Variants in TTLL6 observed in about 807,000 individuals in gnomAD.
The protein encoded by TTLL6 is tubulin tyrosine ligase like 6, also known as tubulin polyglutamylase TTLL6.
Under a neutral mutation model 96.4 loss-of-function variants are expected in TTLL6, and 75 were observed. That is an observed-to-expected ratio of 0.78 (90% CI 0.65 to 0.94). The LOEUF is 0.94. Among genes scored for constraint, TTLL6 ranks in the 40% least tolerant of loss-of-function variants. TTLL6 has a pLI of 0.00. For missense variants in TTLL6, 1,030 were observed against 1,093.0 expected (o/e 0.94, Z 0.81); for synonymous variants, 411 against 419.4 (o/e 0.98, Z 0.24).
At position 48,769,094 on chromosome 17, in the gene TTLL6, C is replaced by A. The variant is rs947336595; in HGVS notation, c.2571G>T (p.Arg857Ser). The change falls in exon 15 of 16, where the codon AGG becomes AGT. Residue 857 changes from arginine (R) to serine (S), a missense_variant. Arg to Ser is a moderately radical substitution (Grantham distance 110, BLOSUM62 -1). Coordinates refer to ENST00000393382, the MANE Select transcript of TTLL6 (RefSeq NM_001130918.3). ...VIATPAQLDPRPCRSHASAMR... is the reference protein window; with the variant it reads ...VIATPAQLDPSPCRSHASAMR... Reference sequence around the variant, plus strand: ...TAGCACTTGCGTGGCTTCTACAAGGCCTTGGATCCAGTTGGGCTGGAGTGG... The same window carrying A: ...TAGCACTTGCGTGGCTTCTACAAGGACTTGGATCCAGTTGGGCTGGAGTGG... The A allele has an allele frequency of 1.9e-6, 3 of 1,614,058 alleles. No individual in the cohort carries two copies. Among genetic ancestry groups the A allele is most frequent in the African/African-American group, 2.7e-5 (2 of 74,916 alleles).
At chr17:48,813,707 C>A (rs1268561160) in intron 1 of TTLL6, among the ~76,000 whole-genome samples, 2 of 152,164 alleles carry the variant, frequency 1.3e-5, no homozygotes, top group South Asian at 2.1e-4. Context: ...ATTGTTTCTA[C>A]TTGTATTTAT....
chr17:48,764,490 CA>C (rs1216394513), intron 15 of TTLL6, among the ~76,000 whole-genome samples: 3 of 152,170 alleles, frequency 2.0e-5, no homozygotes, highest in African/African-American at 7.2e-5. Context: ...GCCAACCTCA[CA>C]TTGTCAATGT....
At position 48,790,121 on chromosome 17, in the gene TTLL6, T is replaced by C. The variant is rs778114010; in HGVS notation, c.1225-15A>G. The C allele has an allele frequency of 7.1e-5, 115 of 1,611,766 alleles. No homozygotes were observed. In the East Asian group the frequency reaches 2.5e-3, roughly 34 times the overall value. Reference sequence around the variant, plus strand: ...GAGTGGTTGACCTGTGAGGGCAAGATTGGCAGCTGGTGACAAAGCCGTCCA... The same window carrying C: ...GAGTGGTTGACCTGTGAGGGCAAGACTGGCAGCTGGTGACAAAGCCGTCCA... On this transcript the variant is annotated splice_polypyrimidine_tract_variant and intron_variant, in intron 9 of 15. Transcript: ENST00000393382.
At chr17:48,765,170 G>C (rs2038575560) in intron 15 of TTLL6, among the ~76,000 whole-genome samples, 1 of 152,088 alleles carries the variant, frequency 6.6e-6, no homozygotes, top group South Asian at 2.1e-4. Context: ...CCAGAGCTTT[G>C]GGAAGCTGAA....
chr17:48,794,155 C>T, intron 8 of TTLL6: 1 of 1,612,246 alleles, frequency 6.2e-7, no homozygotes, highest in Non-Finnish European at 8.5e-7. Context: ...AGGAAGAGGA[C>T]AGGGGAAATG....
At chr17:48,766,162 C>T (rs1024984586) in intron 15 of TTLL6, among the ~76,000 whole-genome samples, 36 of 152,080 alleles carry the variant, frequency 2.4e-4, no homozygotes, top group African/African-American at 8.2e-4. Context: ...CAGCTCCAAG[C>T]GGGTGAGGGC....
chr17:48,813,216 T>C (rs1475425776), intron 1 of TTLL6, among the ~76,000 whole-genome samples: 2 of 152,148 alleles, frequency 1.3e-5, no homozygotes, highest in African/African-American at 4.8e-5. Context: ...CTAAAGTAAC[T>C]GATCTCCTAA....
intron 4 of TTLL6, 46 bp downstream of exon 4, chr17:48,801,479 G>C (rs749616206): frequency 5.8e-6 from 9 of 1,550,920 alleles, no homozygotes; most frequent in South Asian, 2.4e-5. Flanking sequence ...GGCCCCGCCG[G>C]GTAAGATGGC....
chr17:48,795,954 AC>A, intron 8 of TTLL6, 106 bp downstream of exon 8: 1 of 865,538 alleles, frequency 1.2e-6, no homozygotes, highest in South Asian at 1.8e-5. Context: ...AGACCATGTG[AC>A]CCAAGATGGA....
chr17:48,807,794 G>A (rs2039525270), intron 1 of TTLL6, among the ~76,000 whole-genome samples: 1 of 152,086 alleles, frequency 6.6e-6, no homozygotes, highest in Non-Finnish European at 1.5e-5. Flanking sequence ...TTACAAGCAT[G>A]AGCCACCGTG....
intron 9 of TTLL6, among the ~76,000 whole-genome samples, chr17:48,790,966 C>T (rs899175314): frequency 1.3e-5 from 2 of 152,106 alleles, no homozygotes; most frequent in African/African-American, 2.4e-5. Context: ...GGCCCCAGGA[C>T]GCTCTCTGCT....
chr17:48,791,694 G>T, intron 8 of TTLL6, 91 bp from the exon 9 acceptor site: 2 of 1,135,432 alleles, frequency 1.8e-6, no homozygotes, highest in Non-Finnish European at 2.5e-6. Flanking sequence ...TCCTGGCGGA[G>T]ACAAGGCTCC....
At position 48,769,168 on chromosome 17, in the gene TTLL6, G is replaced by A; in HGVS notation, c.2497C>T (p.Gln833Ter). Residue 833 changes from glutamine to a stop codon, truncating the protein, a stop_gained, in exon 15 of 16, where the codon CAG becomes TAG. Transcript: ENST00000393382. LOFTEE classifies it high-confidence loss of function. ...GTAACATTATAGCTCTGAGGACTCT[G>A]CAAGAGGAGGGAGGACACATCCAGC... ...RQLDVSSLLL[Q>*]SPQSYNVTLR... 6.2e-7 allele frequency: 1 copy of A among 1,614,162 alleles called. No individual in the cohort carries two copies. The highest frequency in any genetic ancestry group is 8.5e-7 in the Non-Finnish European group (1 of 1,180,024).
rs761768776 is a variant in TTLL6 at position 48,801,269 on chromosome 17, C to T, written c.597G>A (p.Trp199Ter). 26 of 1,551,490 alleles carry T rather than the reference C, an allele frequency of 1.7e-5. No homozygotes were observed. The highest frequency in any genetic ancestry group is 2.1e-5 in the Non-Finnish European group (24 of 1,146,984). The change falls in exon 5 of 16, where the codon TGG (tryptophan) becomes TGA (stop). Residue 199 changes from tryptophan (W) to a stop codon, truncating the protein, a stop_gained. Coordinates refer to ENST00000393382, the MANE Select transcript of TTLL6 (RefSeq NM_001130918.3). LOFTEE classifies it high-confidence loss of function. Reference protein sequence around the residue: ...PKDFRFFPRTWCLPADWGDLQ... With the variant: ...PKDFRFFPRT Reference sequence around the variant, plus strand: ...GGGGCACTCACTCAGCAGGAAGACACCAGGTCCTAGGGAAAAAGCGGAAAT... The same window carrying T: ...GGGGCACTCACTCAGCAGGAAGACATCAGGTCCTAGGGAAAAAGCGGAAAT...
chr17:48,769,757 T>C lies in TTLL6; in HGVS notation c.2381A>G (p.Asn794Ser). ...GKLSFFPAHY[N>S]PKLGMNNLSQ... is the part of the protein sequence containing the mutation. ...CAGGTTATTCATCCCCAGCTTGGGGTTGTAGTGAGCTGGGAAGAAGGAGAG... is the reference window on the plus strand; with the variant it reads ...CAGGTTATTCATCCCCAGCTTGGGGCTGTAGTGAGCTGGGAAGAAGGAGAG... Residue 794 changes from asparagine to serine, a missense_variant, in exon 14 of 16, where the codon AAC becomes AGC. Transcript: ENST00000393382. The C allele has an allele frequency of 6.2e-7, 1 of 1,613,984 alleles. No individual in the cohort carries two copies. Among genetic ancestry groups the C allele is most frequent in the Non-Finnish European group, 8.5e-7 (1 of 1,179,982 alleles).
chr17:48,796,296 A>T, intron 7 of TTLL6, 150 bp from the exon 8 acceptor site: 1 of 583,746 alleles, frequency 1.7e-6, no homozygotes, highest in Non-Finnish European at 3.0e-6. Context: ...TACAGGAAGT[A>T]AGAAGGGGTG....
At chr17:48,794,433 G>A (rs2039283980) in intron 8 of TTLL6, 4 of 1,374,844 alleles carry the variant, frequency 2.9e-6, no homozygotes, top group African/African-American at 1.5e-5. Context: ...GTCTCATCAC[G>A]TTCATCCTCC....
intron 13 of TTLL6, among the ~76,000 whole-genome samples, chr17:48,773,848 C>T (rs1008737779): frequency 1.3e-5 from 2 of 151,364 alleles, no homozygotes; most frequent in African/African-American, 2.4e-5. Context: ...TTTGGGAGGC[C>T]GAAGCGGGTG....
Position 48,791,573 on chromosome 17 carries a change from C to T in TTLL6, c.1029G>A (p.Glu343=), listed in dbSNP as rs1428894418. Residue 343 remains glutamate, a synonymous_variant, in exon 9 of 16, where the codon GAG becomes GAA. Coordinates refer to ENST00000393382, the MANE Select transcript of TTLL6 (RefSeq NM_001130918.3). ...RKLSTFSAYL[E]DHSYNVEQIW... Reference sequence around the variant, plus strand: ...TCTGCTCCACGTTGTAGCTGTGGTCCTCCAAGTATGCACTGAAGGTGGAGA... The same window carrying T: ...TCTGCTCCACGTTGTAGCTGTGGTCTTCCAAGTATGCACTGAAGGTGGAGA... 1 of 1,613,902 alleles carries T rather than the reference C, an allele frequency of 6.2e-7. No individual in the cohort carries two copies. Among genetic ancestry groups the T allele is most frequent in the Admixed American group, 1.7e-5 (1 of 60,010 alleles).
Sources: gnomAD v4.1 joint callset for allele counts (sites outside exome capture counted in the v4.1 genomes callset) on GRCh38, gnomAD v4.1.1 for gene constraint, MANE v1.5 for transcripts, NCBI Gene and HGNC (gene_info 2026-07-23, HGNC 2026-07-21) for gene names.